Variants in TRIM62 observed in about 807,000 individuals in gnomAD.
The protein encoded by TRIM62 is E3 ubiquitin-protein ligase TRIM62.
In TRIM62, 39 loss-of-function variants were observed where a neutral mutation model predicts 44.2. The observed-to-expected ratio is 0.88, with a 90% CI of 0.68 to 1.15. TRIM62 has a LOEUF of 1.15. Ranked by LOEUF, TRIM62 falls within the 50% of genes most tolerant of loss-of-function variation. TRIM62 has a pLI of 0.00. For synonymous variants in TRIM62, 278 were observed against 292.3 expected (o/e 0.95, Z 0.50); for missense variants, 544 against 665.5 (o/e 0.82, Z 2.01).
chr1:33,181,169 G>T lies in TRIM62; in HGVS notation c.264C>A (p.Arg88=). 1 of 1,597,056 alleles carries T rather than the reference G, an allele frequency of 6.3e-7. No individual in the cohort carries two copies. ...CGTGCGCCTGGCAGGGTCGCGCGGC[G>T]CGGCGCGCGTTGAGGATGGCGTCCA... ...FPLDAILNAR[R]AARPCQAHDK... Residue 88 remains arginine (R), a synonymous_variant, in exon 1 of 5, where the codon CGC becomes CGA. Coordinates refer to ENST00000291416, the MANE Select transcript of TRIM62 (RefSeq NM_018207.3). This position sits in a 1 kb window ranked among gnomAD's most constrained non-coding sequence, Gnocchi z 6.5.
chr1:33,161,592 G>C lies in TRIM62; in HGVS notation c.505-1648C>G, dbSNP rs72885927. On this transcript the variant is annotated intron_variant, in intron 2 of 4. Coordinates refer to ENST00000291416, the MANE Select transcript of TRIM62 (RefSeq NM_018207.3). The surrounding 1 kb of genome is among the most constrained non-coding windows in gnomAD (Gnocchi z 4.3). ...CACCCAGAACGCCAGGCAGACAAAG[G>C]GGGGCGGACGAGAGTCTGGGGATGC... is the stretch of plus-strand genomic sequence containing the variant. Among the ~76,000 whole-genome samples the C allele has an allele frequency of 1.6e-4, 24 of 152,156 alleles. No individual in the cohort carries two copies. Among genetic ancestry groups the C allele is most frequent in the Non-Finnish European group, 3.1e-4 (21 of 68,016 alleles).
chr1:33,161,189 T>G lies in TRIM62; in HGVS notation c.505-1245A>C, dbSNP rs1570316304. 6.6e-6 allele frequency among the ~76,000 whole-genome samples: 1 copy of G among 152,354 alleles called. No homozygotes were observed. The highest frequency in any genetic ancestry group is 1.9e-4 in the East Asian group (1 of 5,192). ...GAGAAAGAGCCTGGTTATTGAAGAC[T>G]GCAATTCTAATAAGCGTTTCCCGGA... On this transcript the variant is annotated intron_variant, in intron 2 of 4. Coordinates refer to ENST00000291416, the MANE Select transcript of TRIM62 (RefSeq NM_018207.3). The surrounding 1 kb of genome is among the most constrained non-coding windows in gnomAD (Gnocchi z 4.3).
chr1:33,158,534 A>G (rs1398860682), intron 3 of TRIM62, among the ~76,000 whole-genome samples, 166 bp from the exon 4 acceptor site: 1 of 152,206 alleles, frequency 6.6e-6, no homozygotes, highest in Non-Finnish European at 1.5e-5. Context: ...TGGCCTCTCT[A>G]ACCATTCCCT....
Position 33,159,188 on chromosome 1 carries a change from A to G in TRIM62, c.761+500T>C, listed in dbSNP as rs1645226096. Among the ~76,000 whole-genome samples, 1 of 152,110 alleles carries G rather than the reference A, an allele frequency of 6.6e-6. No individual in the cohort carries two copies. The highest frequency in any genetic ancestry group is 2.1e-4 in the South Asian group (1 of 4,834). On this transcript the variant is annotated intron_variant, in intron 3 of 4. Transcript: ENST00000291416. This position sits in a 1 kb window ranked among gnomAD's most constrained non-coding sequence, Gnocchi z 4.2. Reference sequence around the variant, plus strand: ...TGCATGAAATGATGATGACAGTGGTAACTACTTTCAAAGGGACTGAGAGGG... The same window carrying G: ...TGCATGAAATGATGATGACAGTGGTGACTACTTTCAAAGGGACTGAGAGGG...
rs112907375 is a variant in TRIM62 at position 33,177,694 on chromosome 1, A to G, written c.408+3331T>C. ...GGGGTGGGTGGAGTTTGCTACTGGCATCTAATGGGTAGAGGCCAGGAATGC... is the reference window on the plus strand; with the variant it reads ...GGGGTGGGTGGAGTTTGCTACTGGCGTCTAATGGGTAGAGGCCAGGAATGC... On this transcript the variant is annotated intron_variant, in intron 1 of 4. Transcript: ENST00000291416. The surrounding 1 kb of genome is among the most constrained non-coding windows in gnomAD (Gnocchi z 4.1). 7.9e-4 allele frequency among the ~76,000 whole-genome samples: 120 copies of G among 152,270 alleles called. 1 individual carries two copies. The highest frequency in any genetic ancestry group is 2.7e-3 in the African/African-American group (114 of 41,542).
In TRIM62 at chr1:33,147,511, A is replaced by G. The variant is rs753130558; in HGVS notation, c.1094T>C (p.Ile365Thr). 1.2e-6 allele frequency: 2 copies of G among 1,613,356 alleles called. No homozygotes were observed. The highest frequency in any genetic ancestry group is 1.7e-6 in the Non-Finnish European group (2 of 1,179,812). The change falls in exon 5 of 5, where the codon ATC (isoleucine) becomes ACC (threonine). Residue 365 changes from isoleucine (I) to threonine (T), a missense_variant. Transcript: ENST00000291416. This position sits in a 1 kb window ranked among gnomAD's most constrained non-coding sequence, Gnocchi z 8.1. ...VVVAEKTQWV[I>T]GLAHEAASRK... ...GCTTGCGGCTTCGTGTGCCAGCCCG[A>G]TCACCCACTGGGTCTTCTCCGCCAC...
In TRIM62 at chr1:33,181,691, G is replaced by T; in HGVS notation, c.-259C>A. ...GGCAGCTCAAGGCGATGGGCGCTGG[G>T]AGGAGGCTGTGAGCGGCTGAGGGAC... On this transcript the variant is annotated 5_prime_UTR_variant, in exon 1 of 5. Coordinates refer to ENST00000291416, the MANE Select transcript of TRIM62 (RefSeq NM_018207.3). The surrounding 1 kb of genome is among the most constrained non-coding windows in gnomAD (Gnocchi z 6.5). 1.8e-6 allele frequency: 1 copy of T among 553,902 alleles called. No individual in the cohort carries two copies. Among genetic ancestry groups the T allele is most frequent in the East Asian group, 3.6e-5 (1 of 27,972 alleles). The allele number at this position is 553,902 out of a possible 1,614,324, so 34.3% of individuals were successfully genotyped here. A position where few individuals can be genotyped will look rare whatever the true frequency, so the allele number is the denominator to read the frequency against.
chr1:33,170,943 A>G (rs1645369272), intron 1 of TRIM62, among the ~76,000 whole-genome samples: 1 of 152,226 alleles, frequency 6.6e-6, no homozygotes, highest in South Asian at 2.1e-4. Context: ...CTCGGGAGAC[A>G]GAGCGGTCAC....
Position 33,163,687 on chromosome 1 carries a change from G to A in TRIM62, c.504+1784C>T, listed in dbSNP as rs148135042. 6.1e-3 allele frequency: 936 copies of A among 152,472 alleles called. 5 individuals carry two copies. The highest frequency in any genetic ancestry group is 0.014 in the Middle Eastern group (4 of 294). The allele number at this position is 152,472 out of a possible 1,614,324, so 9.4% of individuals were successfully genotyped here. A position where few individuals can be genotyped will look rare whatever the true frequency, so the allele number is the denominator to read the frequency against. ...CACCCTGCCAAGAATGCATCACCCC[G>A]CCAGGGCGCCGACCAAGGAAAACAG... is the stretch of plus-strand genomic sequence containing the variant. On this transcript the variant is annotated intron_variant, in intron 2 of 4. Coordinates refer to ENST00000291416, the MANE Select transcript of TRIM62 (RefSeq NM_018207.3).
Position 33,147,587 on chromosome 1 carries a change from C to T in TRIM62, c.1018G>A (p.Val340Met). The change falls in exon 5 of 5, where the codon GTG (valine) becomes ATG (methionine). Residue 340 changes from valine (V) to methionine (M), a missense_variant. Transcript: ENST00000291416. This position sits in a 1 kb window ranked among gnomAD's most constrained non-coding sequence, Gnocchi z 8.1. ...CTACTGAAGGCTTCAGAACCCAGCA[C>T]CGACACCTCCACATCGAAGCGCTTT... ...SPKRFDVEVS[V>M]LGSEAFSSGV... The T allele has an allele frequency of 6.2e-7, 1 of 1,614,146 alleles. No individual in the cohort carries two copies. Among genetic ancestry groups the T allele is most frequent in the Non-Finnish European group, 8.5e-7 (1 of 1,180,046 alleles).
At chr1:33,179,170 C>T (rs766305866) in intron 1 of TRIM62, among the ~76,000 whole-genome samples, 2 of 152,226 alleles carry the variant, frequency 1.3e-5, no homozygotes, top group African/African-American at 2.4e-5. Context: ...ACTCCATAGA[C>T]GGGGAGATGG....
intron 1 of TRIM62, among the ~76,000 whole-genome samples, chr1:33,170,314 G>A (rs1391261577): frequency 2.0e-5 from 1 of 51,148 alleles, no homozygotes; most frequent in Non-Finnish European, 3.8e-5. Context: ...ACACAGCCCA[G>A]TCTCTTTAAA....
At chr1:33,171,931 G>A (rs894581896) in intron 1 of TRIM62, among the ~76,000 whole-genome samples, 2 of 152,050 alleles carry the variant, frequency 1.3e-5, no homozygotes, top group Non-Finnish European at 2.9e-5. Flanking sequence ...ATAGGCGCCC[G>A]ACACCACGCC....
chr1:33,160,475 G>C (rs993977141), intron 2 of TRIM62, among the ~76,000 whole-genome samples: 1 of 152,072 alleles, frequency 6.6e-6, no homozygotes, highest in African/African-American at 2.4e-5. Context: ...CACGATCTCG[G>C]ATCATTGCAA....
intron 1 of TRIM62, among the ~76,000 whole-genome samples, chr1:33,174,801 C>T (rs1292559411): frequency 2.6e-5 from 4 of 152,028 alleles, no homozygotes; most frequent in Non-Finnish European, 5.9e-5. Flanking sequence ...TCTTTCGGGA[C>T]CACACAGGGC....
rs1645016810 is a variant in TRIM62, at chr1:33,145,909, G to T, written c.*1268C>A. 1 of 471,006 alleles carries T rather than the reference G, an allele frequency of 2.1e-6. No homozygotes were observed. Among genetic ancestry groups the T allele is most frequent in the South Asian group, 1.5e-5 (1 of 64,574 alleles). 29.2% of individuals were successfully genotyped at this position (471,006 alleles called of 1,614,324 possible). A position where few individuals can be genotyped will look rare whatever the true frequency, so the allele number is the denominator to read the frequency against. On this transcript the variant is annotated 3_prime_UTR_variant, in exon 5 of 5. Transcript: ENST00000291416. ...CCCTTGCAGCCAAGGTTCTGGATCT[G>T]ACTTAAGTTCCCCCAAACAGAATCT...
chr1:33,162,328 TG>T (rs1645279407), intron 2 of TRIM62, among the ~76,000 whole-genome samples: 1 of 152,210 alleles, frequency 6.6e-6, no homozygotes, highest in Admixed American at 6.5e-5. Context: ...TGTATTCAAC[TG>T]GCAAACTCCT....
At chr1:33,178,799 C>T (rs1053244819) in intron 1 of TRIM62, among the ~76,000 whole-genome samples, 5 of 152,192 alleles carry the variant, frequency 3.3e-5, no homozygotes, top group Non-Finnish European at 5.9e-5. Flanking sequence ...TTACTTTTCA[C>T]CCAATAATGA....
In TRIM62 at chr1:33,177,047, A is replaced by G. The variant is rs955420533; in HGVS notation, c.408+3978T>C. ...CCAACACACATACACATGCACACAC[A>G]CACGCACACACACACACATGCACAC... On this transcript the variant is annotated intron_variant, in intron 1 of 4. Coordinates refer to ENST00000291416, the MANE Select transcript of TRIM62 (RefSeq NM_018207.3). The surrounding 1 kb of genome is among the most constrained non-coding windows in gnomAD (Gnocchi z 4.1). 2.6e-4 allele frequency among the ~76,000 whole-genome samples: 15 copies of G among 58,382 alleles called. No individual in the cohort carries two copies. The highest frequency in any genetic ancestry group is 5.1e-4 in the Non-Finnish European group (15 of 29,394). The allele number at this position is 58,382 out of a possible 152,430, so 38.3% of individuals were successfully genotyped here.
Sources: gnomAD v4.1 joint callset for allele counts (sites outside exome capture counted in the v4.1 genomes callset) on GRCh38, gnomAD v4.1.1 for gene constraint, Gnocchi (gnomAD v3.1) non-coding constraint, MANE v1.5 for transcripts, NCBI Gene and HGNC (gene_info 2026-07-23, HGNC 2026-07-21) for gene names.